The following TRAPPC11 variants were observed in gnomAD, a reference collection of about 807,000 sequenced individuals.
The protein encoded by TRAPPC11 is trafficking protein particle complex subunit 11.
In TRAPPC11, 104 loss-of-function variants were observed where a neutral mutation model predicts 151.2. That is an observed-to-expected ratio of 0.69 (90% CI 0.59 to 0.81). The LOEUF is 0.81. Ranked by LOEUF, TRAPPC11 falls within the 30% of genes least tolerant of loss-of-function variation. The pLI, the probability that TRAPPC11 is intolerant of heterozygous loss-of-function variation, is 0.00. For synonymous variants in TRAPPC11, 456 were observed against 472.3 expected (o/e 0.97, Z 0.45); for missense variants, 1,230 against 1,349.6 (o/e 0.91, Z 1.39).
At chr4:183,708,271 T>C in intron 28 of TRAPPC11, 136 bp from the exon 29 acceptor site, 2 of 860,578 alleles carry the variant, frequency 2.3e-6, no homozygotes, top group South Asian at 4.1e-5. Context: ...GTTTGGAAGA[T>C]GGACTAGGAG....
intron 22 of TRAPPC11, among the ~76,000 whole-genome samples, 194 bp downstream of exon 22, chr4:183,694,232 A>G (rs1436837509): frequency 6.6e-6 from 1 of 152,228 alleles, no homozygotes; most frequent in African/African-American, 2.4e-5. Flanking sequence ...CTACAAGGGA[A>G]TTTAGAAAAC....
At chr4:183,705,454 C>T (rs891643038) in intron 27 of TRAPPC11, among the ~76,000 whole-genome samples, 1 of 152,094 alleles carries the variant, frequency 6.6e-6, no homozygotes, top group Non-Finnish European at 1.5e-5. Flanking sequence ...CTATACACTG[C>T]AACTGATGGA....
intron 23 of TRAPPC11, among the ~76,000 whole-genome samples, chr4:183,694,957 T>G (rs1464180070): frequency 1.3e-5 from 2 of 149,824 alleles, no homozygotes; most frequent in Non-Finnish European, 3.0e-5. Flanking sequence ...TTTTTTTTTT[T>G]TTTTTTTTGA....
intron 2 of TRAPPC11, among the ~76,000 whole-genome samples, chr4:183,664,376 A>G (rs1734733708): frequency 6.6e-6 from 1 of 152,120 alleles, no homozygotes; most frequent in Non-Finnish European, 1.5e-5. Flanking sequence ...TGCATTCCCC[A>G]CCATCATTAC....
Position 183,668,116 on chromosome 4 carries a change from A to G in TRAPPC11, c.559A>G (p.Arg187Gly). 6.5e-7 allele frequency: 1 copy of G among 1,543,266 alleles called. No individual in the cohort carries two copies. The highest frequency in any genetic ancestry group is 1.7e-4 in the Middle Eastern group (1 of 5,894). ...HTDHLVGYIIRLENAFYEHAQ... is the reference protein window; with the variant it reads ...HTDHLVGYIIGLENAFYEHAQ... ...TGACCACCTTGTGGGTTATATTATA[A>G]GGTAAGTAGAGGTCTTTTAAAGTTT... Residue 187 changes from arginine to glycine, a missense_variant and splice_region_variant, in exon 5 of 30, where the codon AGA (arginine) becomes GGA (glycine). Arg to Gly is a moderately radical substitution (Grantham distance 125). Coordinates refer to ENST00000334690, the MANE Select transcript of TRAPPC11 (RefSeq NM_021942.6).
chr4:183,698,503 A>G (rs539417744), intron 25 of TRAPPC11, among the ~76,000 whole-genome samples: 11 of 152,294 alleles, frequency 7.2e-5, no homozygotes, highest in African/African-American at 4.8e-5. Flanking sequence ...GTCAGACTGA[A>G]CTAGATTCAG....
chr4:183,682,912 A>G, intron 11 of TRAPPC11, 87 bp downstream of exon 11: 1 of 878,534 alleles, frequency 1.1e-6, no homozygotes, highest in East Asian at 2.5e-5. Context: ...GCACATGCAT[A>G]AGAAATTATG....
intron 29 of TRAPPC11, 49 bp downstream of exon 29, chr4:183,708,623 A>G (rs1737199304): frequency 2.6e-6 from 4 of 1,551,888 alleles, no homozygotes; most frequent in Non-Finnish European, 3.5e-6. Flanking sequence ...CTTAAAAACA[A>G]ACAGACTTCT....
Position 183,701,756 on chromosome 4 carries a change from G to C in TRAPPC11, c.2911G>C (p.Gly971Arg), listed in dbSNP as rs772327140. The C allele has an allele frequency of 3.1e-6, 5 of 1,613,932 alleles. No homozygotes were observed. In the South Asian group the frequency reaches 5.5e-5, roughly 18 times the overall value. Residue 971 changes from glycine to arginine, a missense_variant, in exon 26 of 30, where the codon GGA (glycine) becomes CGA (arginine). Coordinates refer to ENST00000334690, the MANE Select transcript of TRAPPC11 (RefSeq NM_021942.6). ...CTTTTGTCTTCAATGCCCATCTCTT[G>C]GAAATATTGAAGGTGGAGTAGCAAC... is the stretch of plus-strand genomic sequence containing the variant. ...ECFCLQCPSL[G>R]NIEGGVATGH...
chr4:183,705,116 T>C (rs1457678647), intron 27 of TRAPPC11, 46 bp downstream of exon 27: 3 of 1,299,986 alleles, frequency 2.3e-6, no homozygotes, highest in Non-Finnish European at 3.3e-6. Context: ...CCAATAATAA[T>C]AGTTATTTTA....
chr4:183,665,091 C>CTTTTTTTTT lies in TRAPPC11; in HGVS notation c.204+1033_204+1041dup, dbSNP rs66913932. Among the ~76,000 whole-genome samples the CTTTTTTTTT allele has an allele frequency of 5.3e-4, 56 of 106,428 alleles. 1 individual carries two copies. Among genetic ancestry groups the CTTTTTTTTT allele is most frequent in the South Asian group, 1.2e-3 (4 of 3,276 alleles). The allele number at this position is 106,428 out of a possible 152,430, so 69.8% of individuals were successfully genotyped here. A position where few individuals can be genotyped will look rare whatever the true frequency, so the allele number is the denominator to read the frequency against. The stretch of plus-strand genomic sequence containing the variant: ...TCACACGATTATTTTTCTTTTCTTT[C>CTTTTTTTTT]TTTTTTTTTTTTTTTTTTTTTGAGA... On this transcript the variant is annotated intron_variant, in intron 2 of 29. Transcript: ENST00000334690.
chr4:183,664,421 G>T (rs986076393), intron 2 of TRAPPC11, among the ~76,000 whole-genome samples: 32 of 152,088 alleles, frequency 2.1e-4, no homozygotes, highest in African/African-American at 6.5e-4. Context: ...TCTGTGCAAT[G>T]TGGCTCAATT....
intron 27 of TRAPPC11, chr4:183,705,957 A>G (rs1461300670): frequency 6.6e-6 from 1 of 152,162 alleles, no homozygotes; most frequent in East Asian, 1.9e-4. Context: ...CATACATGTA[A>G]ATGGGACTGG....
At position 183,712,646 on chromosome 4, in the gene TRAPPC11, G is replaced by A. The variant is rs763227337; in HGVS notation, c.*2G>A. On this transcript the variant is annotated 3_prime_UTR_variant, in exon 30 of 30. Transcript: ENST00000334690. ...GATACCTCTATTGCTGCTGCATGAT[G>A]TTCAAGACCGGCCCTTGGCTGTTGT... The A allele has an allele frequency of 3.7e-6, 6 of 1,614,092 alleles. No individual in the cohort carries two copies. The Admixed American group carries it at 5.0e-5, about 13-fold the overall frequency.
intron 7 of TRAPPC11, 88 bp from the exon 8 acceptor site, chr4:183,677,370 G>C: frequency 1.2e-6 from 1 of 810,062 alleles, no homozygotes; most frequent in Non-Finnish European, 2.1e-6. Context: ...AAAATGTTGA[G>C]TAAATATTCT....
chr4:183,680,984 C>A lies in TRAPPC11; in HGVS notation c.1113+717C>A, dbSNP rs150895255. Reference sequence around the variant, plus strand: ...CTGGAATTACAGGCGTGAGCCACCGCGCCTGGCCTCCTGTGTAGAGACTCT... The same window carrying A: ...CTGGAATTACAGGCGTGAGCCACCGAGCCTGGCCTCCTGTGTAGAGACTCT... On this transcript the variant is annotated intron_variant, in intron 10 of 29. Coordinates refer to ENST00000334690, the MANE Select transcript of TRAPPC11 (RefSeq NM_021942.6). 3.1e-4 allele frequency among the ~76,000 whole-genome samples: 47 copies of A among 152,022 alleles called. No individual in the cohort carries two copies. The East Asian group carries it at 8.5e-3, about 28-fold the overall frequency.
intron 7 of TRAPPC11, among the ~76,000 whole-genome samples, chr4:183,677,025 A>C (rs1735448765): frequency 6.6e-6 from 1 of 152,156 alleles, no homozygotes; most frequent in Non-Finnish European, 1.5e-5. Flanking sequence ...TCAGCCTCTC[A>C]AAGTGCTGGG....
At position 183,691,355 on chromosome 4, in the gene TRAPPC11, G is replaced by A; in HGVS notation, c.1933G>A (p.Ala645Thr). 3 of 1,556,792 alleles carry A rather than the reference G, an allele frequency of 1.9e-6. No individual in the cohort carries two copies. Among genetic ancestry groups the A allele is most frequent in the Non-Finnish European group, 2.6e-6 (3 of 1,144,400 alleles). Residue 645 changes from alanine to threonine, a missense_variant, in exon 19 of 30, where the codon GCA becomes ACA. Physicochemically the swap from Ala to Thr is moderately conservative, Grantham distance 58. Transcript: ENST00000334690. The stretch of plus-strand genomic sequence containing the variant: ...CTGTGTAATAGAAGAAGCATCCAAA[G>A]CAAATGAAGTTTTAGAAAATCTGAC... ...QFCVIEEASKANEVLENLTQG... is the reference protein window; with the variant it reads ...QFCVIEEASKTNEVLENLTQG...
At position 183,664,010 on chromosome 4, in the gene TRAPPC11, G is replaced by A. The variant is rs1473309875; in HGVS notation, c.143G>A (p.Arg48Gln). ...TTCTGTGCAAATCGGAGAGCTGATCGAGTACCAATTTCTTTCAAGGTGCTC... is the reference window on the plus strand; with the variant it reads ...TTCTGTGCAAATCGGAGAGCTGATCAAGTACCAATTTCTTTCAAGGTGCTC... ...DAFCANRRAD[R>Q]VPISFKVLPG... Residue 48 changes from arginine to glutamine, a missense_variant, in exon 2 of 30, where the codon CGA (arginine) becomes CAA (glutamine). Transcript: ENST00000334690. 168 of 1,613,758 alleles carry A rather than the reference G, an allele frequency of 1.0e-4. No individual in the cohort carries two copies. The highest frequency in any genetic ancestry group is 1.3e-4 in the Non-Finnish European group (156 of 1,180,018).
Sources: allele counts gnomAD v4.1 joint callset (sites outside exome capture counted in the v4.1 genomes callset), GRCh38; gene constraint gnomAD v4.1.1; transcripts MANE v1.5; gene names NCBI Gene and HGNC (gene_info 2026-07-23, HGNC 2026-07-21).